Variants in CD8A observed in about 807,000 individuals in gnomAD.
The protein encoded by CD8A is T-cell surface glycoprotein CD8 alpha chain.
Under a neutral mutation model 24.2 loss-of-function variants are expected in CD8A, and 25 were observed. The observed-to-expected ratio is 1.03, with a 90% confidence interval of 0.75 to 1.44. CD8A has a LOEUF of 1.44. Among genes scored for constraint, CD8A ranks in the 40% most tolerant of loss-of-function variants. The probability of loss-of-function intolerance (pLI) is 0.00; values close to 1 mark genes in which losing one functional copy is unlikely to be tolerated. For missense variants in CD8A, 360 were observed against 319.7 expected, an observed-to-expected ratio of 1.13 and a Z score of -0.96; for synonymous variants, 165 against 149.9, an observed-to-expected ratio of 1.10 and a Z score of -0.74.
At chr2:86,790,253 G>A in intron 2 of CD8A, 75 bp downstream of exon 2, 1 of 1,065,604 alleles carries the variant, frequency 9.4e-7, no homozygotes, top group Non-Finnish European at 1.5e-6. Context: ...TTGAAAGCAG[G>A]GCCCAGGTGT....
rs1422746996 is a variant in CD8A, at chr2:86,785,114, C to T, written c.*806G>A. ...TTCTATTTGTAAAGGGGTAGCCTGT[C>T]CTCTTTCATGGGCCCCTCTGCAATG... On this transcript the variant is annotated 3_prime_UTR_variant, in exon 6 of 6. Coordinates refer to ENST00000283635, the MANE Select transcript of CD8A (RefSeq NM_001768.7). The T allele has an allele frequency of 2.2e-6, 1 of 454,072 alleles. No individual in the cohort carries two copies. Among genetic ancestry groups the T allele is most frequent in the Non-Finnish European group, 4.4e-6 (1 of 226,800 alleles). The allele number at this position is 454,072 out of a possible 1,614,324, so 28.1% of individuals were successfully genotyped here.
At position 86,785,403 on chromosome 2, in the gene CD8A, G is replaced by T; in HGVS notation, c.*517C>A. ...GGTATCAAGAAGTACTTGTTCCCTT[G>T]CCGTTGGAGACTCAAGCACCTCACC... On this transcript the variant is annotated 3_prime_UTR_variant, in exon 6 of 6. Transcript: ENST00000283635. The T allele has an allele frequency of 2.2e-6, 1 of 454,550 alleles. No individual in the cohort carries two copies. 28.2% of individuals were successfully genotyped at this position (454,550 alleles called of 1,614,324 possible). A position where few individuals can be genotyped will look rare whatever the true frequency, so the allele number is the denominator to read the frequency against.
At chr2:86,798,931 A>G (rs1673573510) in intron 3 of CD8A, among the ~76,000 whole-genome samples, 1 of 152,186 alleles carries the variant, frequency 6.6e-6, no homozygotes, top group Non-Finnish European at 1.5e-5. Context: ...TATAAATGCT[A>G]TATAATTTTA....
At chr2:86,796,243 G>A (rs943624252) in intron 3 of CD8A, among the ~76,000 whole-genome samples, 1 of 152,204 alleles carries the variant, frequency 6.6e-6, no homozygotes, top group Non-Finnish European at 1.5e-5. Flanking sequence ...ATGGTGAAGT[G>A]TTTAATAGGA....
At chr2:86,795,856 T>C (rs1673465934), upstream of CD8A, among the ~76,000 whole-genome samples, 1 of 151,926 alleles carries the variant, frequency 6.6e-6, no homozygotes, top group Non-Finnish European at 1.5e-5. Context: ...GAGGAAGAGA[T>C]TTTCAAAAAT....
chr2:86,806,741 GTAA>G (rs1673916139), intron 2 of CD8A, among the ~76,000 whole-genome samples: 1 of 152,144 alleles, frequency 6.6e-6, no homozygotes, highest in Non-Finnish European at 1.5e-5. Context: ...AAATTCCCTC[GTAA>G]AGTCACACGG....
chr2:86,789,537 A>G, intron 3 of CD8A, 103 bp downstream of exon 3: 1 of 1,333,742 alleles, frequency 7.5e-7, no homozygotes, highest in Non-Finnish European at 1.1e-6. Context: ...GTTTCCCACC[A>G]CTTGGACAGC....
At chr2:86,789,486 C>G in intron 3 of CD8A, 53 bp from the exon 4 acceptor site, 3 of 1,445,730 alleles carry the variant, frequency 2.1e-6, no homozygotes, top group Non-Finnish European at 1.9e-6. Flanking sequence ...ACCTCCCAAC[C>G]GCCCCACCGT....
chr2:86,785,996 A>C, intron 5 of CD8A, 25 bp from the exon 6 acceptor site: 1 of 1,607,086 alleles, frequency 6.2e-7, no homozygotes, highest in Non-Finnish European at 8.5e-7. Context: ...AGCGACCATC[A>C]TTGTAGCCAG....
rs1033651082 is a variant in CD8A, at chr2:86,785,956, C to T, written c.672G>A (p.Ser224=). The change falls in exon 6 of 6, where the codon TCG becomes TCA. Residue 224 remains serine (S), a synonymous_variant. Transcript: ENST00000283635. ...VCKCPRPVVK[S]GDKPSLSARY... Reference sequence around the variant, plus strand: ...TCGCCGAAAGGCTGGGCTTGTCTCCCGATTTGACCACAGGCCTGAAAGAGA... The same window carrying T: ...TCGCCGAAAGGCTGGGCTTGTCTCCTGATTTGACCACAGGCCTGAAAGAGA... 1 of 1,613,890 alleles carries T rather than the reference C, an allele frequency of 6.2e-7. No individual in the cohort carries two copies. Among genetic ancestry groups the T allele is most frequent in the East Asian group, 2.2e-5 (1 of 44,890 alleles).
chr2:86,786,928 G>A (rs1451238834), intron 5 of CD8A, among the ~76,000 whole-genome samples: 2 of 139,846 alleles, frequency 1.4e-5, no homozygotes, highest in Non-Finnish European at 3.0e-5. Context: ...GTTGAGGCAG[G>A]AGAATGGCGT....
At chr2:86,799,479 G>A (rs1368359947) in intron 3 of CD8A, among the ~76,000 whole-genome samples, 4 of 152,122 alleles carry the variant, frequency 2.6e-5, no homozygotes, top group Admixed American at 1.3e-4. Context: ...TCTGGGGGCC[G>A]GGCACGGTGG....
intron 3 of CD8A, among the ~76,000 whole-genome samples, chr2:86,796,754 C>A (rs971850165): frequency 2.0e-5 from 3 of 152,260 alleles, no homozygotes; most frequent in East Asian, 3.9e-4. Flanking sequence ...AACTATCAGG[C>A]CTCCCAGATG....
At chr2:86,790,722 G>GGCCCCCCCCCCCC in intron 1 of CD8A, 41 bp from the exon 2 acceptor site, 1 of 1,487,866 alleles carries the variant, frequency 6.7e-7, no homozygotes, top group Non-Finnish European at 9.1e-7. Context: ...GCAGTCCCGC[G>GGCCCCCCCCCCCC]CCCCCCGCCC....
chr2:86,786,368 G>A lies in CD8A; in HGVS notation c.657-397C>T, dbSNP rs558952743. On this transcript the variant is annotated intron_variant, in intron 5 of 5. Coordinates refer to ENST00000283635, the MANE Select transcript of CD8A (RefSeq NM_001768.7). ...GACCTGATTCTCAGCCCCGGAGGATGACAGGGAGAGAGGAGGATGTGAGCA... is the reference window on the plus strand; with the variant it reads ...GACCTGATTCTCAGCCCCGGAGGATAACAGGGAGAGAGGAGGATGTGAGCA... Among the ~76,000 whole-genome samples, 5 of 152,336 alleles carry A rather than the reference G, an allele frequency of 3.3e-5. No homozygotes were observed. The East Asian group carries it at 9.6e-4, about 29-fold the overall frequency.
At chr2:86,797,503 C>T (rs1032513453) in intron 3 of CD8A, among the ~76,000 whole-genome samples, 1 of 152,020 alleles carries the variant, frequency 6.6e-6, no homozygotes, top group African/African-American at 2.4e-5. Context: ...CCCTGACCCA[C>T]ATGAGGATGT....
At chr2:86,800,899 A>G (rs1673650933) in intron 3 of CD8A, among the ~76,000 whole-genome samples, 1 of 152,214 alleles carries the variant, frequency 6.6e-6, no homozygotes, top group African/African-American at 2.4e-5. Context: ...GGCCAATAGG[A>G]TGGGTCCTAA....
chr2:86,790,567 G>C lies in CD8A; in HGVS notation c.164C>G (p.Ser55Trp), dbSNP rs750103978. Residue 55 changes from serine to tryptophan, a missense_variant, in exon 2 of 6, where the codon TCG (serine) becomes TGG (tryptophan). Ser to Trp is a radical substitution (Grantham distance 177). Transcript: ENST00000283635. Reference sequence around the variant, plus strand: ...GGCGCCGCGCGGCTGGAAGAGCCACGAGCAGCCCGACGTCGGGTTGGACAG... The same window carrying C: ...GGCGCCGCGCGGCTGGAAGAGCCACCAGCAGCCCGACGTCGGGTTGGACAG... Reference protein sequence around the residue: ...VLLSNPTSGCSWLFQPRGAAA... With the variant: ...VLLSNPTSGCWWLFQPRGAAA... 3 of 1,612,898 alleles carry C rather than the reference G, an allele frequency of 1.9e-6. No homozygotes were observed. Among genetic ancestry groups the C allele is most frequent in the Non-Finnish European group, 1.7e-6 (2 of 1,179,960 alleles).
intron 5 of CD8A, among the ~76,000 whole-genome samples, chr2:86,786,639 T>C (rs1046181597): frequency 6.6e-6 from 1 of 152,160 alleles, no homozygotes; most frequent in Non-Finnish European, 1.5e-5. Flanking sequence ...TTCTCAGTTA[T>C]TCATCTCAAA....
Sources: allele counts gnomAD v4.1 joint callset (sites outside exome capture counted in the v4.1 genomes callset), GRCh38; gene constraint gnomAD v4.1.1; transcripts MANE v1.5; gene names NCBI Gene and HGNC (gene_info 2026-07-23, HGNC 2026-07-21).